DCAF15: variants seen among roughly 807,000 people sequenced by gnomAD.
DCAF15 encodes the protein DDB1- and CUL4-associated factor 15.
Under a neutral mutation model 68.0 loss-of-function variants are expected in DCAF15, and 24 were observed. The observed-to-expected ratio is 0.35, with a 90% CI of 0.26 to 0.50. The LOEUF is 0.50. Among genes scored for constraint, DCAF15 ranks in the 20% least tolerant of loss-of-function variants. DCAF15 has a pLI of 0.98. For missense variants in DCAF15, 627 were observed against 830.6 expected, an observed-to-expected ratio of 0.75 and a Z score of 3.01; for synonymous variants, 376 against 341.6, an observed-to-expected ratio of 1.10 and a Z score of -1.11.
In DCAF15 at chr19:13,960,345, G is replaced by C. The variant is rs138780235; in HGVS notation, c.1585G>C (p.Glu529Gln). Residue 529 changes from glutamate to glutamine, a missense_variant, in exon 11 of 13, where the codon GAG becomes CAG. By Grantham distance (29) the Glu-to-Gln change is conservative. Transcript: ENST00000254337. ...VAWDLNTGIF[E>Q]TVSVGDLTEV... is the part of the protein sequence containing the mutation. ...ATGGGACCTCAACACAGGGATCTTC[G>C]AGACAGTCAGTGTAGGCGACCTGAC... 1.9e-6 allele frequency: 3 copies of C among 1,614,064 alleles called. No individual in the cohort carries two copies. The highest frequency in any genetic ancestry group is 1.7e-6 in the Non-Finnish European group (2 of 1,180,032).
In DCAF15 at chr19:13,956,002, A is replaced by G; in HGVS notation, c.457A>G (p.Ile153Val). 6.2e-7 allele frequency: 1 copy of G among 1,613,752 alleles called. No homozygotes were observed. Among genetic ancestry groups the G allele is most frequent in the Non-Finnish European group, 8.5e-7 (1 of 1,179,994 alleles). Residue 153 changes from isoleucine (I) to valine (V), a missense_variant, in exon 4 of 13, where the codon ATC (isoleucine) becomes GTC (valine). This residue lies in a region of DCAF15 where 273 missense variants were observed against 393.7 expected (regional missense o/e 0.69). Transcript: ENST00000254337. ...GTGGCCCAGCGACGCCTCCAAGGTC[A>G]TCGTCTTCGGCTTCAAGTGAGACCA... ...CEWPSDASKV[I>V]VFGFNTRSAN...
chr19:13,961,185 A>AT lies in DCAF15; in HGVS notation c.*193dup, dbSNP rs1973621842. ...GTCTGGACGCTTTTTATTTATGCCT[A>AT]TTTAAGTTGGGAAGGGGCAGAGAGA... On this transcript the variant is annotated 3_prime_UTR_variant, in exon 13 of 13. Transcript: ENST00000254337. 18 of 669,328 alleles carry AT rather than the reference A, an allele frequency of 2.7e-5. No individual in the cohort carries two copies. The South Asian group carries it at 3.1e-4, about 12-fold the overall frequency. The allele number at this position is 669,328 out of a possible 1,614,324, so 41.5% of individuals were successfully genotyped here.
rs1196621233 is a variant in DCAF15, at chr19:13,960,924, C to T, written c.1748-16C>T. 3 of 1,613,828 alleles carry T rather than the reference C, an allele frequency of 1.9e-6. No individual in the cohort carries two copies. Among genetic ancestry groups the T allele is most frequent in the African/African-American group, 2.7e-5 (2 of 74,934 alleles). On this transcript the variant is annotated splice_polypyrimidine_tract_variant and intron_variant, in intron 12 of 12. Coordinates refer to ENST00000254337, the MANE Select transcript of DCAF15 (RefSeq NM_138353.4). Reference sequence around the variant, plus strand: ...CAGGCAGGGGCTCTATGCTTTGTCTCCACCTGTCCCTGTAGGGTGCTCCCT... The same window carrying T: ...CAGGCAGGGGCTCTATGCTTTGTCTTCACCTGTCCCTGTAGGGTGCTCCCT...
At position 13,955,362 on chromosome 19, in the gene DCAF15, A is replaced by G. The variant is rs997316894; in HGVS notation, c.367-550A>G. On this transcript the variant is annotated intron_variant, in intron 3 of 12. Transcript: ENST00000254337. Reference sequence around the variant, plus strand: ...TTAGAACCTGCGAGGTGGAGGTTGCAGTGAGCCGAGATCGAACCACTGCAC... The same window carrying G: ...TTAGAACCTGCGAGGTGGAGGTTGCGGTGAGCCGAGATCGAACCACTGCAC... Among the ~76,000 whole-genome samples the G allele has an allele frequency of 1.2e-4, 19 of 152,318 alleles. No individual in the cohort carries two copies. The East Asian group carries it at 1.7e-3, about 14-fold the overall frequency.
chr19:13,959,976 A>AC lies in DCAF15; in HGVS notation c.1441-3dup. The stretch of plus-strand genomic sequence containing the variant: ...TCAACAGTTGGCATCATCCACCCCC[A>AC]CCCCCAGGTCTGCCCAGAAACCAAC... On this transcript the variant is annotated splice_polypyrimidine_tract_variant and splice_region_variant and intron_variant, in intron 9 of 12. Transcript: ENST00000254337. 6.2e-7 allele frequency: 1 copy of AC among 1,611,226 alleles called. No homozygotes were observed. The highest frequency in any genetic ancestry group is 8.5e-7 in the Non-Finnish European group (1 of 1,178,508).
intron 3 of DCAF15, among the ~76,000 whole-genome samples, chr19:13,954,877 G>A (rs998580219): frequency 1.3e-5 from 2 of 152,172 alleles, no homozygotes; most frequent in African/African-American, 2.4e-5. Context: ...AGGCCAAGGC[G>A]GGAGGATCAC....
chr19:13,956,660 C>T (rs1417606991), intron 6 of DCAF15, 138 bp downstream of exon 6: 3 of 1,047,652 alleles, frequency 2.9e-6, no homozygotes, highest in Non-Finnish European at 4.1e-6. Flanking sequence ...TGTGGGAATG[C>T]TGCGGTCCAA....
rs1478143917 is a variant in DCAF15, at chr19:13,954,394, G to C, written c.187G>C (p.Val63Leu). The C allele has an allele frequency of 1.2e-6, 2 of 1,613,794 alleles. No homozygotes were observed. Among genetic ancestry groups the C allele is most frequent in the African/African-American group, 1.3e-5 (1 of 74,890 alleles). The change falls in exon 2 of 13, where the codon GTG becomes CTG. Residue 63 changes from valine to leucine, a missense_variant. By Grantham distance (32) the Val-to-Leu change is conservative (BLOSUM62 1). Around this residue, in one of 3 missense-constraint regions of DCAF15, gnomAD observed 273 missense variants for 393.7 expected, o/e 0.69. Coordinates refer to ENST00000254337, the MANE Select transcript of DCAF15 (RefSeq NM_138353.4). ...CCGGAAGCTGCCTCCCCGGGTGTGC[G>C]TGTCCCTCAAGAACATTGTGGATGA... ...LFRKLPPRVC[V>L]SLKNIVDEDF...
Position 13,954,670 on chromosome 19 carries a change from G to A in DCAF15, c.366+9G>A, listed in dbSNP as rs766816980. 130 of 1,613,830 alleles carry A rather than the reference G, an allele frequency of 8.1e-5. No homozygotes were observed. The highest frequency in any genetic ancestry group is 8.8e-5 in the Non-Finnish European group (104 of 1,179,882). ...ACAGCAAGCTCAAGCTGGTAGGGAG[G>A]CTTCAACACCAGGCTGGCCCTTCAG... On this transcript the variant is annotated intron_variant, in intron 3 of 12. Transcript: ENST00000254337.
chr19:13,954,693 C>A, intron 3 of DCAF15, 32 bp downstream of exon 3: 1 of 1,612,646 alleles, frequency 6.2e-7, no homozygotes, highest in South Asian at 1.1e-5. Context: ...GCTGGCCCTT[C>A]AGATGGTGTG....
At position 13,952,641 on chromosome 19, in the gene DCAF15, C is replaced by G. The variant is rs938758982; in HGVS notation, c.129C>G (p.Val43=). 5 of 1,275,324 alleles carry G rather than the reference C, an allele frequency of 3.9e-6. No individual in the cohort carries two copies. In the African/African-American group the frequency reaches 6.4e-5, roughly 16 times the overall value. 79.0% of individuals were successfully genotyped at this position (1,275,324 alleles called of 1,614,324 possible). ...ACGTCCTCAAGCAGCTGGAGCGGGT[C>G]AAGGTGAGGCCTGGAGCCGGAGTGG... The part of the protein sequence containing the change: ...REHVLKQLER[V]KISGQLSPRL... Residue 43 remains valine, a synonymous_variant, in exon 1 of 13, where the codon GTC becomes GTG. Transcript: ENST00000254337.
chr19:13,960,571 C>T lies in DCAF15; in HGVS notation c.1738C>T (p.Leu580=). Residue 580 remains leucine (L), a synonymous_variant, in exon 12 of 13, where the codon CTG becomes TTG. Transcript: ENST00000254337. Reference sequence around the variant, plus strand: ...CGTCAACAGGATGACCAATGAGGCGCTGCACAAAGGTGGGGCTCGGTGACC... The same window carrying T: ...CGTCAACAGGATGACCAATGAGGCGTTGCACAAAGGTGGGGCTCGGTGACC... ...RYVNRMTNEA[L]HKGCSLKVLA... is the part of the protein sequence containing the mutation. The T allele has an allele frequency of 1.9e-6, 3 of 1,589,292 alleles. No individual in the cohort carries two copies. The highest frequency in any genetic ancestry group is 2.3e-5 in the South Asian group (2 of 87,774).
At chr19:13,954,223 A>C in intron 1 of DCAF15, 117 bp from the exon 2 acceptor site, 1 of 835,526 alleles carries the variant, frequency 1.2e-6, no homozygotes, top group Non-Finnish European at 1.9e-6. Context: ...TCTTTTGACC[A>C]TTATGGTGGG....
chr19:13,954,735 A>T lies in DCAF15; in HGVS notation c.366+74A>T, dbSNP rs1973276157. The stretch of plus-strand genomic sequence containing the variant: ...CAGGTCACAGCAACCTCTGAGCCTC[A>T]GGTTCCTTGGGTGTAAAATGATCAT... On this transcript the variant is annotated intron_variant, in intron 3 of 12. Transcript: ENST00000254337. 2.6e-6 allele frequency: 4 copies of T among 1,534,668 alleles called. No homozygotes were observed. In the African/African-American group the frequency reaches 5.5e-5, roughly 21 times the overall value.
chr19:13,956,102 T>C, intron 4 of DCAF15, 21 bp from the exon 5 acceptor site: 1 of 1,610,224 alleles, frequency 6.2e-7, no homozygotes, highest in Non-Finnish European at 8.5e-7. Context: ...ACCAGGCAGC[T>C]GAGGGTATGC....
chr19:13,958,519 T>C (rs10426215), intron 6 of DCAF15, among the ~76,000 whole-genome samples: 3,447 of 152,196 alleles, frequency 0.023, 118 homozygotes, highest in African/African-American at 0.074. Context: ...GTTGGGGTTC[T>C]CCATGTGTTC....
At chr19:13,959,950 C>G in intron 9 of DCAF15, 34 bp from the exon 10 acceptor site, 3 of 1,452,144 alleles carry the variant, frequency 2.1e-6, no homozygotes, top group Non-Finnish European at 2.8e-6. Context: ...TGGGGTCGCC[C>G]TCAACAGTTG....
intron 1 of DCAF15, chr19:13,952,891 C>T (rs1030333414): frequency 3.5e-5 from 7 of 199,224 alleles, no homozygotes; most frequent in South Asian, 4.8e-5. Context: ...GGGTTGGGGG[C>T]GGGGCCCCAG....
chr19:13,960,804 G>A (rs1973595906), intron 12 of DCAF15, 136 bp from the exon 13 acceptor site: 2 of 1,129,614 alleles, frequency 1.8e-6, no homozygotes, highest in South Asian at 1.4e-5. Context: ...GGTAGCTGCA[G>A]GCTAGAGGTG....
Sources: allele counts gnomAD v4.1 joint callset (sites outside exome capture counted in the v4.1 genomes callset), GRCh38; gene constraint gnomAD v4.1.1; regional missense constraint gnomAD v4.1.1; transcripts MANE v1.5; gene names NCBI Gene and HGNC (gene_info 2026-07-23, HGNC 2026-07-21).